Variants in ANO10 observed in about 807,000 individuals in gnomAD.
ANO10 encodes anoctamin-10.
A neutral mutation model predicts 74.7 loss-of-function variants in ANO10; 77 were observed. The observed-to-expected ratio is 1.03, with a 90% CI of 0.86 to 1.25. ANO10 has a LOEUF of 1.25. ANO10 is among the 50% of genes most tolerant of loss of function. The probability of loss-of-function intolerance (pLI) is 0.00; values close to 1 mark genes in which losing one functional copy is unlikely to be tolerated. For synonymous variants in ANO10, 279 were observed against 284.9 expected (o/e 0.98, Z 0.21); for missense variants, 721 against 778.1 (o/e 0.93, Z 0.87).
At chr3:43,500,125 C>T (rs2077048117) in intron 11 of ANO10, among the ~76,000 whole-genome samples, 1 of 152,126 alleles carries the variant, frequency 6.6e-6, no homozygotes, top group African/African-American at 2.4e-5. Context: ...GGATTAGAGG[C>T]GTGAGCCACT....
At chr3:43,528,298 C>T (rs1197400224) in intron 11 of ANO10, among the ~76,000 whole-genome samples, 1 of 151,220 alleles carries the variant, frequency 6.6e-6, no homozygotes, top group African/African-American at 2.4e-5. Flanking sequence ...GATTTTGTTC[C>T]TCAACAACAT....
chr3:43,553,234 C>T (rs932827599), intron 10 of ANO10, among the ~76,000 whole-genome samples: 1 of 152,176 alleles, frequency 6.6e-6, no homozygotes, highest in South Asian at 2.1e-4. Flanking sequence ...TCTTTTGATG[C>T]TCTTGAAATG....
chr3:43,592,431 C>T (rs893370546), intron 4 of ANO10, among the ~76,000 whole-genome samples: 4 of 152,214 alleles, frequency 2.6e-5, no homozygotes, highest in African/African-American at 4.8e-5. Flanking sequence ...GCAACATTTG[C>T]CATTCTGCAA....
intron 11 of ANO10, among the ~76,000 whole-genome samples, chr3:43,541,926 A>G (rs1340430685): frequency 2.0e-5 from 3 of 152,228 alleles, no homozygotes; most frequent in Admixed American, 2.0e-4. Context: ...AACATCTGGC[A>G]TTCGACTAAC....
At chr3:43,654,947 G>A (rs556879180) in intron 1 of ANO10, among the ~76,000 whole-genome samples, 77 of 152,320 alleles carry the variant, frequency 5.1e-4, no homozygotes, top group African/African-American at 1.8e-3. Flanking sequence ...AAGTACCAGG[G>A]ATGAAGGATG....
chr3:43,501,008 T>C (rs1482387115), intron 11 of ANO10, among the ~76,000 whole-genome samples: 5 of 152,142 alleles, frequency 3.3e-5, no homozygotes, highest in African/African-American at 4.8e-5. Context: ...GTGAAGAAAT[T>C]AGTTGTATTC....
intron 11 of ANO10, among the ~76,000 whole-genome samples, chr3:43,444,734 C>T (rs1414802610): frequency 2.0e-5 from 3 of 152,074 alleles, no homozygotes; most frequent in African/African-American, 7.2e-5. Context: ...GGTCACCTGA[C>T]ACAGTCATGG....
rs952262292 is a variant in ANO10, at chr3:43,382,906, A to T, written c.1915-15932T>A. 3.9e-5 allele frequency among the ~76,000 whole-genome samples: 6 copies of T among 152,278 alleles called. No homozygotes were observed. The South Asian group carries it at 1.2e-3, about 32-fold the overall frequency. On this transcript the variant is annotated intron_variant, in intron 12 of 12. Transcript: ENST00000292246. ...TAAAATGTTACCAACAAAAAAAAGA[A>T]TCCAGGACTAGATGGATTCACAGCT...
intron 10 of ANO10, 98 bp from the exon 11 acceptor site, chr3:43,549,946 C>T (rs193104338): frequency 2.2e-6 from 3 of 1,384,548 alleles, no homozygotes; most frequent in Non-Finnish European, 2.0e-6. Context: ...AAATGTCTTA[C>T]CCTAGTTCTA....
chr3:43,546,896 G>A (rs2079218530), intron 11 of ANO10, among the ~76,000 whole-genome samples: 1 of 152,110 alleles, frequency 6.6e-6, no homozygotes, highest in Non-Finnish European at 1.5e-5. Flanking sequence ...CGGCTATAAA[G>A]TTCCTTAATT....
chr3:43,562,234 C>T (rs906567938), intron 8 of ANO10, among the ~76,000 whole-genome samples: 9 of 151,760 alleles, frequency 5.9e-5, no homozygotes, highest in South Asian at 4.2e-4. Flanking sequence ...GGGCAGATCA[C>T]GAGGTCAGGA....
Position 43,489,990 on chromosome 3 carries a change from T to C in ANO10, c.1798-57263A>G, listed in dbSNP as rs1311943776. 3.9e-5 allele frequency among the ~76,000 whole-genome samples: 6 copies of C among 152,234 alleles called. 1 individual carries two copies. The highest frequency in any genetic ancestry group is 3.9e-4 in the Admixed American group (6 of 15,288). Reference sequence around the variant, plus strand: ...CTGGAAAAGAATAAGCCTGTAACAGTATCCTTTGCATCAAAATAATGCCTT... The same window carrying C: ...CTGGAAAAGAATAAGCCTGTAACAGCATCCTTTGCATCAAAATAATGCCTT... On this transcript the variant is annotated intron_variant, in intron 11 of 12. Transcript: ENST00000292246.
intron 1 of ANO10, among the ~76,000 whole-genome samples, chr3:43,610,089 A>C (rs1024414638): frequency 9.9e-5 from 15 of 152,156 alleles, no homozygotes; most frequent in African/African-American, 3.6e-4. Flanking sequence ...CAGCTGTACA[A>C]AAATATTTTA....
chr3:43,681,306 C>A (rs1014230594), intron 1 of ANO10, among the ~76,000 whole-genome samples: 2 of 151,878 alleles, frequency 1.3e-5, no homozygotes, highest in Non-Finnish European at 2.9e-5. Context: ...AGACTTTAAA[C>A]CAACAAAGAT....
chr3:43,623,992 T>C (rs2083471183), upstream of ANO10, among the ~76,000 whole-genome samples: 1 of 152,216 alleles, frequency 6.6e-6, no homozygotes, highest in Admixed American at 6.5e-5. Context: ...TAATTTCATT[T>C]TCTTATATTT....
chr3:43,611,962 C>G (rs1213485639), intron 1 of ANO10, among the ~76,000 whole-genome samples: 2 of 151,494 alleles, frequency 1.3e-5, no homozygotes, highest in Non-Finnish European at 2.9e-5. Context: ...CAAAACACTT[C>G]CATTTAAATT....
chr3:43,682,891 TA>T (rs2084220710), intron 1 of ANO10, among the ~76,000 whole-genome samples: 1 of 152,202 alleles, frequency 6.6e-6, no homozygotes, highest in African/African-American at 2.4e-5. Context: ...CACTTCATGC[TA>T]AAAACTCTCA....
intron 11 of ANO10, among the ~76,000 whole-genome samples, chr3:43,495,181 A>T (rs2076870197): frequency 6.6e-6 from 1 of 152,088 alleles, no homozygotes; most frequent in Non-Finnish European, 1.5e-5. Flanking sequence ...ATTTCTTTGG[A>T]AAATATGAAG....
intron 1 of ANO10, among the ~76,000 whole-genome samples, chr3:43,666,659 T>C (rs956592995): frequency 1.3e-5 from 2 of 152,150 alleles, no homozygotes; most frequent in Admixed American, 6.6e-5. Context: ...GTAAAATAGA[T>C]GGGTAATTTA....
Sources: gnomAD v4.1 joint callset for allele counts (sites outside exome capture counted in the v4.1 genomes callset) on GRCh38, gnomAD v4.1.1 for gene constraint, MANE v1.5 for transcripts, NCBI Gene and HGNC (gene_info 2026-07-23, HGNC 2026-07-21) for gene names.